Variants in ATP10B observed in about 807,000 individuals in gnomAD.
ATP10B encodes the protein ATPase phospholipid transporting 10B (putative).
In ATP10B, 122 loss-of-function variants were observed where a neutral mutation model predicts 141.2. That is an observed-to-expected ratio of 0.86 (90% CI 0.75 to 1.00). The LOEUF is 1.00. ATP10B is among the 50% of genes least tolerant of loss of function. ATP10B has a pLI of 0.00. For missense variants in ATP10B, 1,876 were observed against 1,825.3 expected (o/e 1.03, Z -0.51); for synonymous variants, 685 against 692.0 (o/e 0.99, Z 0.16).
chr5:160,844,771 C>T (rs572109866), intron 1 of ATP10B, among the ~76,000 whole-genome samples: 2 of 152,202 alleles, frequency 1.3e-5, no homozygotes, highest in African/African-American at 2.4e-5. Context: ...TCTTGAACTC[C>T]TGGCCTCAAG....
chr5:160,789,274 A>G (rs1357135928), intron 1 of ATP10B, among the ~76,000 whole-genome samples: 1 of 152,122 alleles, frequency 6.6e-6, no homozygotes. Context: ...ACAGCCATGC[A>G]ACAAGGGATA....
intron 22 of ATP10B, among the ~76,000 whole-genome samples, chr5:160,595,717 C>T (rs570542242): frequency 5.3e-5 from 8 of 152,148 alleles, no homozygotes; most frequent in African/African-American, 1.4e-4. Flanking sequence ...GATATCACCA[C>T]CGATCCCACA....
intron 21 of ATP10B, 108 bp downstream of exon 21, chr5:160,602,469 T>C: frequency 6.8e-7 from 1 of 1,464,150 alleles, no homozygotes; most frequent in Admixed American, 1.8e-5. Flanking sequence ...TATGCCAGCC[T>C]GACTCCTTCC....
the ATP10B span, among the ~76,000 whole-genome samples, chr5:160,881,595 G>A: frequency 5.9e-5 from 9 of 152,158 alleles, no homozygotes; most frequent in Non-Finnish European, 4.4e-5. Context: ...GGTGGATCAC[G>A]AGGTCAGGAG....
intron 2 of ATP10B, among the ~76,000 whole-genome samples, chr5:160,722,465 C>G (rs973463072): frequency 3.3e-5 from 5 of 152,190 alleles, no homozygotes; most frequent in Admixed American, 2.0e-4. Flanking sequence ...CCCTTATGGA[C>G]TTGGTTGCTA....
At chr5:160,850,800 TGA>T (rs1392222457) in intron 1 of ATP10B, among the ~76,000 whole-genome samples, 1 of 152,214 alleles carries the variant, frequency 6.6e-6, no homozygotes, top group Non-Finnish European at 1.5e-5. Context: ...GATGAAAACC[TGA>T]GGAGAGATCC....
In ATP10B at chr5:160,686,125, G is replaced by T. The variant is rs74696719; in HGVS notation, c.424C>A (p.Arg142Ser). Residue 142 changes from arginine (R) to serine (S), a missense_variant, in exon 6 of 26, where the codon CGC becomes AGC. Physicochemically the swap from Arg to Ser is moderately radical, Grantham distance 110. Coordinates refer to ENST00000327245, the MANE Select transcript of ATP10B (RefSeq NM_025153.3). ...KDGMEDFKRH[R>S]FDKAINCSNI... ...GAGCAGTTTATTGCTTTATCAAAGCGGTGTCTCTTGAAGTCCTCCATGCCA... is the reference window on the plus strand; with the variant it reads ...GAGCAGTTTATTGCTTTATCAAAGCTGTGTCTCTTGAAGTCCTCCATGCCA... The T allele has an allele frequency of 3.1e-6, 5 of 1,603,810 alleles. No homozygotes were observed. In the South Asian group the frequency reaches 5.6e-5, roughly 18 times the overall value.
intron 1 of ATP10B, among the ~76,000 whole-genome samples, chr5:160,808,482 T>C (rs570990804): frequency 4.5e-4 from 68 of 152,292 alleles, no homozygotes; most frequent in Non-Finnish European, 8.7e-4. Flanking sequence ...TGCTAATCAT[T>C]TATCCTTCAA....
At chr5:160,895,473 G>A in the ATP10B span, among the ~76,000 whole-genome samples, 2 of 152,298 alleles carry the variant, frequency 1.3e-5, no homozygotes, top group East Asian at 3.9e-4. Flanking sequence ...TAATGGTAAA[G>A]GGATCAATGC....
At chr5:160,803,451 G>A (rs1215255826) in intron 1 of ATP10B, among the ~76,000 whole-genome samples, 1 of 152,180 alleles carries the variant, frequency 6.6e-6, no homozygotes, top group East Asian at 1.9e-4. Context: ...GCTGAGGAGG[G>A]CAGATCACAA....
the ATP10B span, among the ~76,000 whole-genome samples, chr5:160,869,000 G>A: frequency 2.0e-5 from 3 of 152,102 alleles, no homozygotes; most frequent in East Asian, 5.8e-4. Context: ...GAGAGACCTG[G>A]TTCTAATTTT....
chr5:160,603,981 C>A lies in ATP10B; in HGVS notation c.3221G>T (p.Gly1074Val). 14 of 1,613,582 alleles carry A rather than the reference C, an allele frequency of 8.7e-6. No homozygotes were observed. The highest frequency in any genetic ancestry group is 1.2e-5 in the Non-Finnish European group (14 of 1,179,664). The part of the protein sequence containing the change: ...QAADIGIGIS[G>V]QEGMQAVMSS... Reference sequence around the variant, plus strand: ...GAACAATACCTGCATGCCTTCCTGTCCAGATATTCCAATTCCAATATCAGC... The same window carrying A: ...GAACAATACCTGCATGCCTTCCTGTACAGATATTCCAATTCCAATATCAGC... The change falls in exon 20 of 26, where the codon GGA becomes GTA. Residue 1074 changes from glycine to valine, a missense_variant. Gly to Val is a moderately radical substitution (Grantham distance 109, BLOSUM62 -3). Transcript: ENST00000327245.
At chr5:160,657,255 G>A (rs1761579155) in intron 7 of ATP10B, among the ~76,000 whole-genome samples, 1 of 152,116 alleles carries the variant, frequency 6.6e-6, no homozygotes, top group Non-Finnish European at 1.5e-5. Flanking sequence ...AGGTGATTGA[G>A]GTTTTCTTCC....
At chr5:160,799,375 C>A (rs754535331) in intron 1 of ATP10B, among the ~76,000 whole-genome samples, 7 of 152,214 alleles carry the variant, frequency 4.6e-5, no homozygotes, top group Non-Finnish European at 8.8e-5. Context: ...AAGCAGCAGT[C>A]TACTTCTGCA....
chr5:160,824,266 T>C (rs1046483958), intron 1 of ATP10B, among the ~76,000 whole-genome samples: 2 of 152,122 alleles, frequency 1.3e-5, no homozygotes, highest in Non-Finnish European at 2.9e-5. Context: ...TCCAACCACC[T>C]CAGCCTCCCA....
intron 7 of ATP10B, among the ~76,000 whole-genome samples, chr5:160,661,712 G>A (rs1738362019): frequency 6.6e-6 from 1 of 152,152 alleles, no homozygotes; most frequent in South Asian, 2.1e-4. Flanking sequence ...GCAAAAACTG[G>A]AAGCATTCCC....
chr5:160,702,862 C>T (rs550749851), intron 3 of ATP10B, among the ~76,000 whole-genome samples: 3 of 152,194 alleles, frequency 2.0e-5, no homozygotes, highest in Non-Finnish European at 4.4e-5. Context: ...ATACAATTCA[C>T]CTGCTTTCAA....
At position 160,670,484 on chromosome 5, in the gene ATP10B, G is replaced by A. The variant is rs780389036; in HGVS notation, c.654C>T (p.Val218=). ...DGETNLKQRC[V]VKGFSQQEVQ... is the part of the protein sequence containing the mutation. ...CTACCTGCTGTGAGAAGCCCTTCAC[G>A]ACACATCTTTGCTTGAGGTTTGTCT... The change falls in exon 7 of 26, where the codon GTC becomes GTT. Residue 218 remains valine, a synonymous_variant. Transcript: ENST00000327245. The A allele has an allele frequency of 2.8e-5, 45 of 1,613,842 alleles. No individual in the cohort carries two copies. Among genetic ancestry groups the A allele is most frequent in the Non-Finnish European group, 3.6e-5 (42 of 1,179,990 alleles).
chr5:160,749,944 C>T (rs151217971), intron 2 of ATP10B, among the ~76,000 whole-genome samples: 27 of 152,288 alleles, frequency 1.8e-4, no homozygotes, highest in African/African-American at 5.8e-4. Flanking sequence ...GAATGTTGAA[C>T]TCCACAACAG....
Sources: gnomAD v4.1 joint callset for allele counts (sites outside exome capture counted in the v4.1 genomes callset) on GRCh38, gnomAD v4.1.1 for gene constraint, MANE v1.5 for transcripts, NCBI Gene and HGNC (gene_info 2026-07-23, HGNC 2026-07-21) for gene names.